CR1: variants seen among roughly 807,000 people sequenced by gnomAD.
CR1 encodes the protein complement C3b/C4b receptor 1 (Knops blood group), also known as complement receptor type 1.
A neutral mutation model predicts 187.3 loss-of-function variants in CR1; 116 were observed. The observed-to-expected ratio is 0.62, with a 90% confidence interval of 0.53 to 0.72. CR1 has a LOEUF of 0.72. Ranked by LOEUF, CR1 falls within the 30% of genes least tolerant of loss-of-function variation. The pLI is 0.00. For missense variants in CR1, 1,731 were observed against 2,110.7 expected (o/e 0.82, Z 3.52); for synonymous variants, 576 against 747.1 (o/e 0.77, Z 3.73).
Position 207,577,827 on chromosome 1 carries a change from A to G in CR1, c.4560A>G (p.Pro1520=), listed in dbSNP as rs373191459. 14 of 1,613,932 alleles carry G rather than the reference A, an allele frequency of 8.7e-6. No homozygotes were observed. In the South Asian group the frequency reaches 1.4e-4, roughly 16 times the overall value. Residue 1520 remains proline (P), a synonymous_variant, in exon 29 of 47, where the codon CCA becomes CCG. Coordinates refer to ENST00000367049, the MANE Select transcript of CR1 (RefSeq NM_000651.6). ...CAGGAATTCCTTGTGGGCTACCCCC[A>G]ACCATCGCCAATGGAGATTTCATTA... ...ICQRIPCGLP[P]TIANGDFIST...
intron 31 of CR1, among the ~76,000 whole-genome samples, chr1:207,581,161 TGTACATGTGTATACATATGTGTATAC>T (rs1365188581): frequency 3.3e-5 from 5 of 151,852 alleles, no homozygotes; most frequent in African/African-American, 1.2e-4. Flanking sequence ...TACGTATACA[TGTACATGTGTATACATATGTGTATAC>T]ATGGACACGT....
At chr1:207,518,131 A>G (rs1250566871) in intron 4 of CR1, among the ~76,000 whole-genome samples, 1 of 152,096 alleles carries the variant, frequency 6.6e-6, no homozygotes, top group Non-Finnish European at 1.5e-5. Flanking sequence ...TTTATTTCCA[A>G]CAATCTTTAT....
intron 1 of CR1, among the ~76,000 whole-genome samples, chr1:207,497,560 A>G (rs1008037797): frequency 2.0e-5 from 3 of 152,344 alleles, no homozygotes; most frequent in Middle Eastern, 3.4e-3. Flanking sequence ...AGTTGTTATT[A>G]ATATTTGATC....
intron 45 of CR1, among the ~76,000 whole-genome samples, chr1:207,623,322 C>T (rs948863975): frequency 6.6e-6 from 1 of 152,024 alleles, no homozygotes; most frequent in African/African-American, 2.4e-5. Context: ...TGACTCATGC[C>T]TGTAATTTCA....
chr1:207,526,018 T>C (rs1376846715), intron 5 of CR1, among the ~76,000 whole-genome samples: 7 of 152,116 alleles, frequency 4.6e-5, no homozygotes, highest in African/African-American at 1.7e-4. Context: ...TGTGTTCTGA[T>C]TTCCTGAGTT....
chr1:207,628,471 T>C (rs1344478015), intron 45 of CR1, among the ~76,000 whole-genome samples: 2 of 152,266 alleles, frequency 1.3e-5, no homozygotes, highest in Non-Finnish European at 2.9e-5. Flanking sequence ...TATTATCTTC[T>C]TTGGTCCTCA....
intron 4 of CR1, among the ~76,000 whole-genome samples, chr1:207,514,739 AT>A (rs1408408511): frequency 6.6e-6 from 1 of 151,952 alleles, no homozygotes; most frequent in African/African-American, 2.4e-5. Context: ...TAAGACTATA[AT>A]TTTCTTTCTT....
intron 35 of CR1, among the ~76,000 whole-genome samples, chr1:207,602,833 T>C (rs887522231): frequency 2.0e-5 from 3 of 152,042 alleles, no homozygotes; most frequent in African/African-American, 4.8e-5. Context: ...TAAATACTTA[T>C]AAATTAATTA....
chr1:207,619,157 C>T (rs1168179111), intron 42 of CR1, among the ~76,000 whole-genome samples: 1 of 150,858 alleles, frequency 6.6e-6, no homozygotes, highest in Non-Finnish European at 1.5e-5. Flanking sequence ...CCAAGGTGGG[C>T]AGATCACCTC....
intron 29 of CR1, among the ~76,000 whole-genome samples, chr1:207,578,621 G>A (rs1660841966): frequency 1.3e-5 from 2 of 152,200 alleles, no homozygotes; most frequent in African/African-American, 4.8e-5. Flanking sequence ...ACATCAGCTT[G>A]ATCTTTCAGA....
intron 33 of CR1, among the ~76,000 whole-genome samples, 194 bp from the exon 34 acceptor site, chr1:207,587,192 G>A (rs1253500744): frequency 3.3e-5 from 5 of 152,170 alleles, no homozygotes; most frequent in African/African-American, 1.2e-4. Flanking sequence ...CTTCCAAATA[G>A]TAAAAAAAAT....
chr1:207,577,833 C>G lies in CR1; in HGVS notation c.4566C>G (p.Ile1522Met). 6.2e-7 allele frequency: 1 copy of G among 1,613,896 alleles called. No individual in the cohort carries two copies. The highest frequency in any genetic ancestry group is 8.5e-7 in the Non-Finnish European group (1 of 1,179,878). The change falls in exon 29 of 47, where the codon ATC becomes ATG. Residue 1522 changes from isoleucine to methionine, a missense_variant. Coordinates refer to ENST00000367049, the MANE Select transcript of CR1 (RefSeq NM_000651.6). ...QRIPCGLPPT[I>M]ANGDFISTNR... is the part of the protein sequence containing the mutation. ...TTCCTTGTGGGCTACCCCCAACCAT[C>G]GCCAATGGAGATTTCATTAGCACCA...
At chr1:207,617,872 A>G (rs1183025361) in intron 41 of CR1, among the ~76,000 whole-genome samples, 199 bp from the exon 42 acceptor site, 1 of 151,710 alleles carries the variant, frequency 6.6e-6, no homozygotes, top group East Asian at 1.9e-4. Context: ...ACTGTAGAGG[A>G]TAGTGTTTAA....
intron 3 of CR1, among the ~76,000 whole-genome samples, chr1:207,510,363 T>C (rs1011675011): frequency 1.3e-5 from 2 of 152,248 alleles, no homozygotes; most frequent in African/African-American, 4.8e-5. Context: ...TCTTCATTTG[T>C]CACTGTTTTG....
chr1:207,622,348 T>C (rs1213165517), intron 44 of CR1, among the ~76,000 whole-genome samples: 7 of 152,234 alleles, frequency 4.6e-5, no homozygotes, highest in South Asian at 2.1e-4. Context: ...TTCCAGATGG[T>C]GATCCTGCTC....
intron 5 of CR1, among the ~76,000 whole-genome samples, chr1:207,524,545 G>A (rs1021745589): frequency 5.3e-5 from 8 of 151,898 alleles, no homozygotes; most frequent in Non-Finnish European, 8.8e-5. Context: ...CACCATGCCT[G>A]GATAAGTTTT....
chr1:207,600,856 C>T (rs1181649766), intron 35 of CR1: 1 of 152,108 alleles, frequency 6.6e-6, no homozygotes, highest in East Asian at 1.9e-4. Flanking sequence ...CTTCAACAAC[C>T]TGTAATGGTA....
At chr1:207,507,986 G>C (rs539340373) in intron 3 of CR1, among the ~76,000 whole-genome samples, 1 of 152,196 alleles carries the variant, frequency 6.6e-6, no homozygotes, top group Admixed American at 6.5e-5. Context: ...AAGAGACATA[G>C]AGGAACCTTA....
intron 35 of CR1, among the ~76,000 whole-genome samples, chr1:207,605,596 G>T (rs891557016): frequency 6.6e-6 from 1 of 152,020 alleles, no homozygotes; most frequent in African/African-American, 2.4e-5. Context: ...TAGTCACAGC[G>T]AGCACATCTA....
Sources: allele counts gnomAD v4.1 joint callset (sites outside exome capture counted in the v4.1 genomes callset), GRCh38; gene constraint gnomAD v4.1.1; transcripts MANE v1.5; gene names NCBI Gene and HGNC (gene_info 2026-07-23, HGNC 2026-07-21).